The following TFPT variants were observed in gnomAD, a reference collection of about 807,000 sequenced individuals.
TFPT encodes TCF3 fusion partner.
A neutral mutation model predicts 28.8 loss-of-function variants in TFPT; 27 were observed. The ratio of observed to expected loss-of-function variants is 0.94; its 90% CI spans 0.69 to 1.29. The LOEUF is 1.29. Ranked by LOEUF, TFPT falls within the 50% of genes most tolerant of loss-of-function variation. The pLI is 0.00. For missense variants in TFPT, 330 were observed against 338.0 expected (o/e 0.98, Z 0.19); for synonymous variants, 152 against 142.8 (o/e 1.06, Z -0.46).
At chr19:54,112,281 C>A (rs1486466512) in intron 2 of TFPT, among the ~76,000 whole-genome samples, 2 of 151,624 alleles carry the variant, frequency 1.3e-5, no homozygotes, top group African/African-American at 4.8e-5. Context: ...CTCAGATCTG[C>A]CACTGCTGAG....
At chr19:54,115,039 C>A in intron 1 of TFPT, 3 of 772,982 alleles carry the variant, frequency 3.9e-6, no homozygotes, top group South Asian at 1.9e-5. Context: ...TGGCTTCCAA[C>A]CTCCTAGTCT....
In TFPT at chr19:54,115,312, T is replaced by C; in HGVS notation, c.-43A>G. On this transcript the variant is annotated 5_prime_UTR_variant, in exon 1 of 6. Transcript: ENST00000391759. ...GCCCCGGGCCTCAGAGCTTCCGACC[T>C]CTTCAATCTGTAGGTTAAGCCGTTC... The C allele has an allele frequency of 6.2e-7, 1 of 1,613,744 alleles. No homozygotes were observed. Among genetic ancestry groups the C allele is most frequent in the Non-Finnish European group, 8.5e-7 (1 of 1,180,012 alleles).
At chr19:54,115,113 G>C in intron 1 of TFPT, 134 bp downstream of exon 1, 4 of 1,365,216 alleles carry the variant, frequency 2.9e-6, no homozygotes, top group East Asian at 2.3e-5. Context: ...GTCCATAAAA[G>C]GGTTCTAAGG....
chr19:54,115,470 A>T lies in TFPT; in HGVS notation c.-201T>A, dbSNP rs2073600631. 1 of 652,320 alleles carries T rather than the reference A, an allele frequency of 1.5e-6. No homozygotes were observed. Among genetic ancestry groups the T allele is most frequent in the Non-Finnish European group, 2.6e-6 (1 of 380,462 alleles). The allele number at this position is 652,320 out of a possible 1,614,324, so 40.4% of individuals were successfully genotyped here. ...CCACGTCCACCCCGAATCCCTGCTT[A>T]AAGGCCTTGCTTTCTTGTCTAACGC... On this transcript the variant is annotated 5_prime_UTR_variant, in exon 1 of 6. Transcript: ENST00000391759.
intron 2 of TFPT, 76 bp from the exon 3 acceptor site, chr19:54,110,197 C>T (rs796996882): frequency 4.0e-5 from 60 of 1,506,544 alleles, no homozygotes; most frequent in African/African-American, 2.9e-4. Flanking sequence ...TAATGGGGCA[C>T]GCACTAAACT....
Position 54,110,086 on chromosome 19 carries a change from C to T in TFPT, c.318G>A (p.Val106=), listed in dbSNP as rs748577010. 15 of 1,614,054 alleles carry T rather than the reference C, an allele frequency of 9.3e-6. No homozygotes were observed. Among genetic ancestry groups the T allele is most frequent in the Admixed American group, 8.3e-5 (5 of 60,002 alleles). ...NERVLNRLHQ[V]QRITRRLQQE... ...GCTGCAGCCTCCGAGTTATCCTCTG[C>T]ACCTGATGGAGCCTGTTCAGGACCC... Residue 106 remains valine, a synonymous_variant, in exon 3 of 6, where the codon GTG becomes GTA. Transcript: ENST00000391759.
Position 54,115,457 on chromosome 19 carries a change from C to G in TFPT, c.-188G>C. The G allele has an allele frequency of 1.4e-6, 1 of 697,830 alleles. No individual in the cohort carries two copies. The allele number at this position is 697,830 out of a possible 1,614,324, so 43.2% of individuals were successfully genotyped here. ...CTTCGGCCCACCCCCACGTCCACCC[C>G]GAATCCCTGCTTAAAGGCCTTGCTT... On this transcript the variant is annotated 5_prime_UTR_variant, in exon 1 of 6. Coordinates refer to ENST00000391759, the MANE Select transcript of TFPT (RefSeq NM_013342.4).
intron 2 of TFPT, among the ~76,000 whole-genome samples, chr19:54,112,744 G>C (rs1411239029): frequency 6.6e-6 from 1 of 151,372 alleles, no homozygotes; most frequent in African/African-American, 2.4e-5. Flanking sequence ...AGCTGAGATT[G>C]CGCCACTGCA....
chr19:54,112,399 G>A (rs1252865502), intron 2 of TFPT, among the ~76,000 whole-genome samples: 1 of 152,156 alleles, frequency 6.6e-6, no homozygotes, highest in Non-Finnish European at 1.5e-5. Context: ...GGCTCCAGTT[G>A]AGTCCGTTTG....
At chr19:54,113,138 CA>C (rs2073503096) in intron 2 of TFPT, among the ~76,000 whole-genome samples, 1 of 147,306 alleles carries the variant, frequency 6.8e-6, no homozygotes, top group Non-Finnish European at 1.5e-5. Context: ...TTATTTCCCC[CA>C]AAAGAGGGTG....
Position 54,107,070 on chromosome 19 carries a change from C to A in TFPT, c.742G>T (p.Ala248Ser). Residue 248 changes from alanine to serine, a missense_variant, in exon 6 of 6, where the codon GCC becomes TCC. Coordinates refer to ENST00000391759, the MANE Select transcript of TFPT (RefSeq NM_013342.4). ...PDKLLPYPTL[A>S]SPASD Reference sequence around the variant, plus strand: ...ATGCGTCAGTCAGAGGCTGGGCTGGCCAGGGTCGGGTAGGGCAGCAGTTTG... The same window carrying A: ...ATGCGTCAGTCAGAGGCTGGGCTGGACAGGGTCGGGTAGGGCAGCAGTTTG... 9 of 1,613,794 alleles carry A rather than the reference C, an allele frequency of 5.6e-6. No homozygotes were observed. Among genetic ancestry groups the A allele is most frequent in the Non-Finnish European group, 7.6e-6 (9 of 1,179,938 alleles).
Position 54,107,098 on chromosome 19 carries a change from T to C in TFPT, c.714A>G (p.Pro238=). 2.5e-6 allele frequency: 4 copies of C among 1,613,958 alleles called. No individual in the cohort carries two copies. The highest frequency in any genetic ancestry group is 3.4e-6 in the Non-Finnish European group (4 of 1,179,996). The change falls in exon 6 of 6, where the codon CCA becomes CCG. Residue 238 remains proline, a synonymous_variant. Transcript: ENST00000391759. ...ALDSSWVSRG[P]DKLLPYPTLA... ...GGGTCGGGTAGGGCAGCAGTTTGTCTGGACCCCGAGAAACCCAACTGGAAT... is the reference window on the plus strand; with the variant it reads ...GGGTCGGGTAGGGCAGCAGTTTGTCCGGACCCCGAGAAACCCAACTGGAAT...
chr19:54,107,733 CT>C (rs2073312537), intron 5 of TFPT, among the ~76,000 whole-genome samples: 1 of 152,176 alleles, frequency 6.6e-6, no homozygotes, highest in Non-Finnish European at 1.5e-5. Context: ...ATTTTTCCTT[CT>C]CCAGGTCTTC....
At chr19:54,110,555 C>T (rs587748811) in intron 2 of TFPT, among the ~76,000 whole-genome samples, 1 of 152,206 alleles carries the variant, frequency 6.6e-6, no homozygotes, top group Admixed American at 6.5e-5. Flanking sequence ...GATGAAACCC[C>T]ATCTCTACTA....
In TFPT at chr19:54,114,588, C is replaced by T; in HGVS notation, c.136G>A (p.Glu46Lys). ...ILESELETEV[E>K]FVSGGLGGSG... Reference sequence around the variant, plus strand: ...CCGCCCAGACCACCTGACACAAACTCCACTTCCGTCTCCAGCTCGCTCTCC... The same window carrying T: ...CCGCCCAGACCACCTGACACAAACTTCACTTCCGTCTCCAGCTCGCTCTCC... The change falls in exon 2 of 6, where the codon GAG becomes AAG. Residue 46 changes from glutamate (E) to lysine (K), a missense_variant. Transcript: ENST00000391759. 1 of 1,614,120 alleles carries T rather than the reference C, an allele frequency of 6.2e-7. No individual in the cohort carries two copies. Among genetic ancestry groups the T allele is most frequent in the East Asian group, 2.2e-5 (1 of 44,874 alleles).
Position 54,115,436 on chromosome 19 carries a change from G to C in TFPT, c.-167C>G, listed in dbSNP as rs1158595139. ...AGTTTCCTGTTTCCGGCTTCGCTTC[G>C]GCCCACCCCCACGTCCACCCCGAAT... On this transcript the variant is annotated 5_prime_UTR_variant, in exon 1 of 6. Transcript: ENST00000391759. 3 of 887,296 alleles carry C rather than the reference G, an allele frequency of 3.4e-6. No individual in the cohort carries two copies. Among genetic ancestry groups the C allele is most frequent in the Non-Finnish European group, 5.2e-6 (3 of 573,508 alleles). 55.0% of individuals were successfully genotyped at this position (887,296 alleles called of 1,614,324 possible).
chr19:54,115,527 T>C lies in TFPT; in HGVS notation c.-258A>G. 1 of 590,312 alleles carries C rather than the reference T, an allele frequency of 1.7e-6. No individual in the cohort carries two copies. Among genetic ancestry groups the C allele is most frequent in the South Asian group, 2.1e-5 (1 of 47,880 alleles). 36.6% of individuals were successfully genotyped at this position (590,312 alleles called of 1,614,324 possible). On this transcript the variant is annotated 5_prime_UTR_variant, in exon 1 of 6. Coordinates refer to ENST00000391759, the MANE Select transcript of TFPT (RefSeq NM_013342.4). ...CAGTCCTCTGAGTTGCCAACGTCTTTCTTCTTGTCTCGACGCCCCGTCGTC... is the reference window on the plus strand; with the variant it reads ...CAGTCCTCTGAGTTGCCAACGTCTTCCTTCTTGTCTCGACGCCCCGTCGTC...
At chr19:54,114,733 A>G (rs779791230) in intron 1 of TFPT, 33 bp from the exon 2 acceptor site, 25 of 1,590,602 alleles carry the variant, frequency 1.6e-5, no homozygotes, top group East Asian at 2.2e-5. Context: ...GGGGCCCTGG[A>G]TCCTGGACCC....
chr19:54,115,103 G>A, intron 1 of TFPT, 144 bp downstream of exon 1: 1 of 1,273,628 alleles, frequency 7.9e-7, no homozygotes, highest in South Asian at 1.3e-5. Context: ...GATGACCCCA[G>A]TCCATAAAAG....
Sources: allele counts gnomAD v4.1 joint callset (sites outside exome capture counted in the v4.1 genomes callset), GRCh38; gene constraint gnomAD v4.1.1; transcripts MANE v1.5; gene names NCBI Gene and HGNC (gene_info 2026-07-23, HGNC 2026-07-21).